Variants in MED13 observed in about 807,000 individuals in gnomAD.
MED13 encodes mediator of RNA polymerase II transcription subunit 13.
MED13 carries 23 observed loss-of-function variants against 225.2 expected under a neutral mutation model. The ratio of observed to expected loss-of-function variants is 0.10; its 90% CI spans 0.07 to 0.14. The LOEUF (loss-of-function observed/expected upper bound fraction) is 0.14, where lower values mean the gene tolerates loss of function less well. MED13 is among the 10% of genes least tolerant of loss of function. The pLI is 1.00. For missense variants in MED13, 2,197 were observed against 2,594.5 expected (o/e 0.85, Z 3.33); for synonymous variants, 942 against 889.2 (o/e 1.06, Z -1.06).
chr17:62,062,439 G>A (rs1475698724), intron 2 of MED13, among the ~76,000 whole-genome samples: 1 of 152,112 alleles, frequency 6.6e-6, no homozygotes, highest in Non-Finnish European at 1.5e-5. Context: ...TCCCATAAAA[G>A]CTAAACAAGT....
At chr17:61,957,054 T>G (rs986403896) in intron 23 of MED13, among the ~76,000 whole-genome samples, 1 of 152,018 alleles carries the variant, frequency 6.6e-6, no homozygotes, top group African/African-American at 2.4e-5. Flanking sequence ...CGCCAGGGAT[T>G]TTTTGTTTTT....
chr17:62,049,919 G>A (rs1428586786), intron 3 of MED13, among the ~76,000 whole-genome samples: 3 of 88,896 alleles, frequency 3.4e-5, no homozygotes, highest in Non-Finnish European at 5.8e-5. Context: ...GACAGAGTGA[G>A]GCTCTGTCTC....
intron 8 of MED13, among the ~76,000 whole-genome samples, chr17:62,021,395 G>A (rs1261733017): frequency 3.3e-5 from 5 of 150,082 alleles, no homozygotes; most frequent in Non-Finnish European, 5.9e-5. Context: ...CCTCCCGGAC[G>A]GGGCGGCTGG....
chr17:61,999,927 A>C (rs2080380034), intron 9 of MED13, among the ~76,000 whole-genome samples: 1 of 152,100 alleles, frequency 6.6e-6, no homozygotes, highest in South Asian at 2.1e-4. Flanking sequence ...TAATTAGCCA[A>C]GCGGTATTGT....
At chr17:61,976,812 G>A (rs1020860634) in intron 16 of MED13, among the ~76,000 whole-genome samples, 1 of 152,086 alleles carries the variant, frequency 6.6e-6, no homozygotes, top group Non-Finnish European at 1.5e-5. Context: ...GGCACCTGTA[G>A]TCCCAGCTAC....
chr17:61,957,249 G>A (rs1440521155), intron 23 of MED13, among the ~76,000 whole-genome samples: 1 of 151,810 alleles, frequency 6.6e-6, no homozygotes, highest in Non-Finnish European at 1.5e-5. Flanking sequence ...GTTTCACCAT[G>A]TTGGCCAGGC....
intron 16 of MED13, among the ~76,000 whole-genome samples, chr17:61,981,437 A>C (rs2080203726): frequency 1.3e-5 from 2 of 150,630 alleles, no homozygotes; most frequent in Non-Finnish European, 1.5e-5. Context: ...ATGGTCTATA[A>C]GACTCTAAAT....
At chr17:62,026,200 T>C (rs2080700220) in intron 8 of MED13, among the ~76,000 whole-genome samples, 9 of 151,776 alleles carry the variant, frequency 5.9e-5, no homozygotes. Flanking sequence ...GGCAACATAA[T>C]TTTAAAACTT....
chr17:62,008,338 AAAAAATTG>A (rs1328703992), intron 9 of MED13, among the ~76,000 whole-genome samples: 55 of 150,716 alleles, frequency 3.6e-4, no homozygotes, highest in African/African-American at 1.3e-3. Flanking sequence ...AAAAAAAAAA[AAAAAATTG>A]AGTTAGCCTT....
intron 6 of MED13, chr17:62,030,466 GC>G (rs1401850015): frequency 6.5e-6 from 1 of 152,794 alleles, no homozygotes; most frequent in Admixed American, 6.5e-5. Context: ...GCTGCACAGA[GC>G]CTGGCTTCCA....
rs189708381 is a variant in MED13, at chr17:62,028,802, G to A, written c.1283+739C>T. Among the ~76,000 whole-genome samples, 100 of 151,588 alleles carry A rather than the reference G, an allele frequency of 6.6e-4. No homozygotes were observed. The East Asian group carries it at 0.018, about 28-fold the overall frequency. ...GGAGCTTGCAGTGAGCCGAGATCAC[G>A]CCACTGCACTCCAGACCAGGGGACA... On this transcript the variant is annotated intron_variant, in intron 8 of 29. Transcript: ENST00000397786.
At chr17:61,977,895 TTC>T (rs1407367087) in intron 16 of MED13, among the ~76,000 whole-genome samples, 2 of 152,190 alleles carry the variant, frequency 1.3e-5, no homozygotes, top group East Asian at 1.9e-4. Context: ...CCAGCCCCAT[TTC>T]TCTCTTTCTT....
Position 61,956,532 on chromosome 17 carries a change from T to C in MED13, c.5481-51A>G, listed in dbSNP as rs752502683. 4.6e-5 allele frequency: 71 copies of C among 1,550,696 alleles called. 2 individuals carry two copies. The South Asian group carries it at 7.7e-4, about 17-fold the overall frequency. ...ATAAATATTTCTAAAATTTATATGA[T>C]TTTGCTGTTGTTGTTTTTTTGAGAT... On this transcript the variant is annotated intron_variant, in intron 23 of 29. Coordinates refer to ENST00000397786, the MANE Select transcript of MED13 (RefSeq NM_005121.3).
rs1461090448 is a variant in MED13, at chr17:62,062,577, A to G, written c.301+490T>C. ...TGACAATAACAAAATACATGCCTTAAAACACACACACACACACACACACCA... is the reference window on the plus strand; with the variant it reads ...TGACAATAACAAAATACATGCCTTAGAACACACACACACACACACACACCA... On this transcript the variant is annotated intron_variant, in intron 2 of 29. Coordinates refer to ENST00000397786, the MANE Select transcript of MED13 (RefSeq NM_005121.3). Among the ~76,000 whole-genome samples the G allele has an allele frequency of 3.2e-5, 3 of 92,982 alleles. No individual in the cohort carries two copies. In the Admixed American group the frequency reaches 3.9e-4, roughly 12 times the overall value. The allele number at this position is 92,982 out of a possible 152,430, so 61.0% of individuals were successfully genotyped here.
intron 23 of MED13, among the ~76,000 whole-genome samples, chr17:61,957,361 T>C (rs565393384): frequency 1.3e-5 from 2 of 151,576 alleles, no homozygotes; most frequent in East Asian, 3.9e-4. Context: ...TTTTTATTTT[T>C]TTTTTTGAGA....
rs367939006 is a variant in MED13 at position 62,042,839 on chromosome 17, G to A, written c.471-7231C>T. Reference sequence around the variant, plus strand: ...ACAGATTTGTAAGAGTCTACAGTAAGAATTATAGAAAGAAATTACGGTAAG... The same window carrying A: ...ACAGATTTGTAAGAGTCTACAGTAAAAATTATAGAAAGAAATTACGGTAAG... On this transcript the variant is annotated intron_variant, in intron 3 of 29. Transcript: ENST00000397786. Among the ~76,000 whole-genome samples, 85 of 151,674 alleles carry A rather than the reference G, an allele frequency of 5.6e-4. 1 individual carries two copies. In the South Asian group the frequency reaches 0.016, roughly 29 times the overall value.
chr17:62,040,127 T>A (rs1004241503), intron 3 of MED13, among the ~76,000 whole-genome samples: 1 of 152,148 alleles, frequency 6.6e-6, no homozygotes, highest in African/African-American at 2.4e-5. Context: ...TATAAAACAA[T>A]TAGAAAATAC....
intron 3 of MED13, among the ~76,000 whole-genome samples, chr17:62,052,023 T>C (rs1167805022): frequency 6.6e-6 from 1 of 152,182 alleles, no homozygotes; most frequent in African/African-American, 2.4e-5. Flanking sequence ...GCTTAATTCA[T>C]TGCTCAAGAA....
intron 17 of MED13, among the ~76,000 whole-genome samples, chr17:61,971,275 CTTTTTTT>C (rs758826223): frequency 7.3e-6 from 1 of 136,342 alleles, no homozygotes; most frequent in Non-Finnish European, 1.6e-5. Flanking sequence ...TAAATATCTA[CTTTTTTT>C]TTTTTTTTTT....
Sources: gnomAD v4.1 joint callset for allele counts (sites outside exome capture counted in the v4.1 genomes callset) on GRCh38, gnomAD v4.1.1 for gene constraint, MANE v1.5 for transcripts, NCBI Gene and HGNC (gene_info 2026-07-23, HGNC 2026-07-21) for gene names.